The following LRP1B variants were observed in gnomAD, a reference collection of about 807,000 sequenced individuals.
LRP1B encodes the protein LDL receptor related protein 1B, also known as low-density lipoprotein receptor-related protein 1B.
A neutral mutation model predicts 556.6 loss-of-function variants in LRP1B; 217 were observed. The ratio of observed to expected loss-of-function variants is 0.39; its 90% CI spans 0.35 to 0.44. The LOEUF (loss-of-function observed/expected upper bound fraction) is 0.44. Ranked by LOEUF, LRP1B falls within the 20% of genes least tolerant of loss-of-function variation. The pLI, the probability that LRP1B is intolerant of heterozygous loss-of-function variation, is 1.00. For missense variants in LRP1B, 5,053 were observed against 5,620.8 expected (o/e 0.90, Z 3.23); for synonymous variants, 2,047 against 1,865.8 (o/e 1.10, Z -2.50).
At chr2:141,483,806 G>C (rs868766524) in intron 2 of LRP1B, among the ~76,000 whole-genome samples, 1 of 151,354 alleles carries the variant, frequency 6.6e-6, no homozygotes, top group African/African-American at 2.4e-5. Context: ...TTTTTGATGG[G>C]GTTGTTTGTT....
rs1701436031 is a variant in LRP1B at position 141,134,248 on chromosome 2, TC to T, written c.1013+54172del. Among the ~76,000 whole-genome samples the T allele has an allele frequency of 2.0e-5, 3 of 151,784 alleles. No individual in the cohort carries two copies. The South Asian group carries it at 6.2e-4, about 32-fold the overall frequency. Reference sequence around the variant, plus strand: ...TATAGCCACGGATTCTAGTAAGGTCTCCCTCCTTCAGGCCTTTGCTCCTCCA... The same window carrying T: ...TATAGCCACGGATTCTAGTAAGGTCTCCTCCTTCAGGCCTTTGCTCCTCCA... On this transcript the variant is annotated intron_variant, in intron 7 of 90. Coordinates refer to ENST00000389484, the MANE Select transcript of LRP1B (RefSeq NM_018557.3).
chr2:140,837,833 A>G (rs747664656), intron 31 of LRP1B, among the ~76,000 whole-genome samples: 4 of 152,134 alleles, frequency 2.6e-5, no homozygotes, highest in Non-Finnish European at 5.9e-5. Context: ...TTGGAGATAT[A>G]CCTAATGCTA....
At chr2:141,231,263 G>A (rs1415243029) in intron 5 of LRP1B, among the ~76,000 whole-genome samples, 1 of 152,168 alleles carries the variant, frequency 6.6e-6, no homozygotes, top group African/African-American at 2.4e-5. Flanking sequence ...TTTTGTTTCT[G>A]GCATGGGCCA....
intron 86 of LRP1B, chr2:140,269,479 C>T (rs768619120): frequency 1.4e-4 from 59 of 417,800 alleles, no homozygotes; most frequent in Middle Eastern, 7.3e-4. Context: ...AACATTCAAA[C>T]GAAAAGGTTC....
intron 2 of LRP1B, among the ~76,000 whole-genome samples, chr2:141,617,093 G>C (rs1358975276): frequency 6.6e-6 from 1 of 151,918 alleles, no homozygotes; most frequent in Non-Finnish European, 1.5e-5. Flanking sequence ...TTTTATCATC[G>C]GGGTATATCT....
chr2:141,399,164 G>C (rs544671379), intron 3 of LRP1B, among the ~76,000 whole-genome samples: 2 of 152,052 alleles, frequency 1.3e-5, no homozygotes, highest in East Asian at 3.9e-4. Flanking sequence ...GCTAAGGCTC[G>C]AGAATCCCTT....
At chr2:141,974,767 C>T (rs1015746188) in intron 1 of LRP1B, among the ~76,000 whole-genome samples, 1 of 152,044 alleles carries the variant, frequency 6.6e-6, no homozygotes, top group Non-Finnish European at 1.5e-5. Flanking sequence ...AACTACTGTT[C>T]CAATTTTCCA....
At chr2:141,931,277 G>A (rs73964845) in intron 1 of LRP1B, among the ~76,000 whole-genome samples, 3 of 152,000 alleles carry the variant, frequency 2.0e-5, no homozygotes, top group Non-Finnish European at 4.4e-5. Context: ...GATACACATC[G>A]TAGGGTGTAT....
At chr2:141,419,211 A>G (rs1680053044) in intron 3 of LRP1B, among the ~76,000 whole-genome samples, 1 of 132,328 alleles carries the variant, frequency 7.6e-6, no homozygotes, top group Non-Finnish European at 1.7e-5. Context: ...TTTCTTAAGG[A>G]TTTTTGGATC....
At chr2:141,498,166 G>A (rs769886171) in intron 2 of LRP1B, among the ~76,000 whole-genome samples, 1 of 151,840 alleles carries the variant, frequency 6.6e-6, no homozygotes, top group Non-Finnish European at 1.5e-5. Flanking sequence ...TAAAATATAG[G>A]CATGAAATTG....
At chr2:141,856,416 T>A (rs114219800) in intron 1 of LRP1B, among the ~76,000 whole-genome samples, 7 of 152,230 alleles carry the variant, frequency 4.6e-5, no homozygotes, top group African/African-American at 1.7e-4. Context: ...TTTCTTTTTT[T>A]ATATTTTTGC....
chr2:141,692,442 G>C (rs1376585803), intron 2 of LRP1B, among the ~76,000 whole-genome samples: 1 of 151,834 alleles, frequency 6.6e-6, no homozygotes, highest in Non-Finnish European at 1.5e-5. Context: ...CCTATTCTTT[G>C]TTCCACTTAA....
At chr2:140,948,297 T>A (rs887004019) in intron 20 of LRP1B, among the ~76,000 whole-genome samples, 3 of 152,182 alleles carry the variant, frequency 2.0e-5, no homozygotes, top group African/African-American at 7.2e-5. Context: ...AAATACTGTT[T>A]ACATTTAAAA....
At chr2:141,529,951 A>G (rs907290914) in intron 2 of LRP1B, among the ~76,000 whole-genome samples, 4 of 152,166 alleles carry the variant, frequency 2.6e-5, no homozygotes, top group African/African-American at 9.6e-5. Context: ...ATAAGATCTC[A>G]TGCAATTTTC....
intron 41 of LRP1B, among the ~76,000 whole-genome samples, chr2:140,612,220 G>A (rs562131514): frequency 2.4e-4 from 37 of 152,162 alleles, no homozygotes; most frequent in African/African-American, 8.4e-4. Flanking sequence ...ATTTTATGAG[G>A]TGTAATAATT....
rs532845223 is a variant in LRP1B, at chr2:140,509,852, C to A, written c.8398+76G>T. ...GAAAGCAATGGGAAATGTGCTATGG[C>A]AAATACTACAAAAACAAATAACCAA... is the stretch of plus-strand genomic sequence containing the variant. On this transcript the variant is annotated intron_variant, in intron 52 of 90. Transcript: ENST00000389484. 5.2e-5 allele frequency: 81 copies of A among 1,553,682 alleles called. 1 individual carries two copies. The African/African-American group carries it at 1.0e-3, about 20-fold the overall frequency.
At chr2:140,872,360 ATTTTTTTTTT>A (rs59469282) in intron 25 of LRP1B, among the ~76,000 whole-genome samples, 3 of 60,488 alleles carry the variant, frequency 5.0e-5, no homozygotes, top group East Asian at 4.9e-4. Context: ...GTGTCACCTG[ATTTTTTTTTT>A]TTTTTTTTTT....
rs377255628 is a variant in LRP1B, at chr2:141,720,721, T to C, written c.205+89558A>G. Among the ~76,000 whole-genome samples, 116 of 152,100 alleles carry C rather than the reference T, an allele frequency of 7.6e-4. 3 individuals are homozygous for C. In the South Asian group the frequency reaches 0.015, roughly 19 times the overall value. The stretch of plus-strand genomic sequence containing the variant: ...TCATCAGAATTTTGGCTTCAAGTTG[T>C]TGATTTAGTTGTGATTGTCTTGAAA... On this transcript the variant is annotated intron_variant, in intron 2 of 90. Coordinates refer to ENST00000389484, the MANE Select transcript of LRP1B (RefSeq NM_018557.3).
chr2:141,188,580 A>C lies in LRP1B; in HGVS notation c.854T>G (p.Val285Gly), dbSNP rs2105194002. Residue 285 changes from valine (V) to glycine (G), a missense_variant, in exon 7 of 91, where the codon GTG becomes GGG. Coordinates refer to ENST00000389484, the MANE Select transcript of LRP1B (RefSeq NM_018557.3). ...TINILQSFHN[V>G]QQMAIDWLTR... Reference sequence around the variant, plus strand: ...GAGCCAGTCAATCGCCATTTGTTGCACATCTGAAAAACACATACACAAAAT... The same window carrying C: ...GAGCCAGTCAATCGCCATTTGTTGCCCATCTGAAAAACACATACACAAAAT... 1 of 1,611,760 alleles carries C rather than the reference A, an allele frequency of 6.2e-7. No individual in the cohort carries two copies.
Sources: gnomAD v4.1 joint callset for allele counts (sites outside exome capture counted in the v4.1 genomes callset) on GRCh38, gnomAD v4.1.1 for gene constraint, MANE v1.5 for transcripts, NCBI Gene and HGNC (gene_info 2026-07-23, HGNC 2026-07-21) for gene names.